Variants in CCNH observed in about 807,000 individuals in gnomAD.
The protein encoded by CCNH is cyclin-H.
A neutral mutation model predicts 41.9 loss-of-function variants in CCNH; 31 were observed. The observed-to-expected ratio is 0.74, with a 90% CI of 0.56 to 1.00. CCNH has a LOEUF of 1.00. Among genes scored for constraint, CCNH ranks in the 50% least tolerant of loss-of-function variants. The pLI is 0.00. For synonymous variants in CCNH, 138 were observed against 136.1 expected (o/e 1.01, Z -0.10); for missense variants, 362 against 388.4 (o/e 0.93, Z 0.57).
intron 2 of CCNH, among the ~76,000 whole-genome samples, chr5:87,410,616 A>G (rs1305113488): frequency 6.6e-6 from 1 of 152,312 alleles, no homozygotes; most frequent in South Asian, 2.1e-4. Context: ...ATAACGTAAC[A>G]ACATTTTGAA....
At chr5:87,376,320 C>A in exon 1 of CCNH, 4 of 1,549,090 alleles carry the variant, frequency 2.6e-6, no homozygotes, top group South Asian at 1.1e-5. Context: ...GACTGAACAC[C>A]AGGAAAATTT....
At chr5:87,339,479 C>G (rs1256923827) in intron 9 of CCNH, among the ~76,000 whole-genome samples, 1 of 152,090 alleles carries the variant, frequency 6.6e-6, no homozygotes, top group Non-Finnish European at 1.5e-5. Flanking sequence ...GTTTGGGTTT[C>G]CCTCTCCTTG....
chr5:87,350,310 A>G (rs1258157582), intron 9 of CCNH, among the ~76,000 whole-genome samples: 3 of 151,826 alleles, frequency 2.0e-5, no homozygotes, highest in Non-Finnish European at 2.9e-5. Flanking sequence ...ATACATGACA[A>G]TCTGAGTTCT....
chr5:87,318,580 C>A (rs937396382), exon 10 of CCNH: 1 of 152,244 alleles, frequency 6.6e-6, no homozygotes, highest in African/African-American at 2.4e-5. Context: ...GAATGTGCCA[C>A]ACACTTTTAA....
At chr5:87,338,391 G>C (rs1026846540) in intron 9 of CCNH, among the ~76,000 whole-genome samples, 3 of 149,674 alleles carry the variant, frequency 2.0e-5, no homozygotes, top group Non-Finnish European at 4.5e-5. Context: ...GAGTGCAGTG[G>C]CGTGATCTCG....
chr5:87,412,584 G>C (rs559256401), intron 1 of CCNH, 94 bp downstream of exon 1: 3 of 1,523,066 alleles, frequency 2.0e-6, no homozygotes, highest in Non-Finnish European at 1.8e-6. Flanking sequence ...GCAGAGAAAC[G>C]ACGGAGCGAG....
chr5:87,330,942 C>T (rs1757556503), intron 9 of CCNH: 2 of 1,425,194 alleles, frequency 1.4e-6, no homozygotes, highest in Non-Finnish European at 1.8e-6. Flanking sequence ...TCATAGGTTC[C>T]ATGTGCCTTG....
chr5:87,326,459 C>T lies in CCNH; in HGVS notation c.*91-7562G>A, dbSNP rs1308543558. Among the ~76,000 whole-genome samples, 4 of 152,080 alleles carry T rather than the reference C, an allele frequency of 2.6e-5. No individual in the cohort carries two copies. In the East Asian group the frequency reaches 7.7e-4, roughly 29 times the overall value. ...CTCCATATCTACCTGTAAGATTTCT[C>T]AACAAAAATTTACAAAGCTAGCTGG... is the stretch of plus-strand genomic sequence containing the variant. On this transcript the variant is annotated intron_variant and NMD_transcript_variant, in intron 9 of 9. Coordinates refer to the CCNH transcript ENST00000645953.
At chr5:87,400,288 GT>G (rs1763300578) in intron 6 of CCNH, among the ~76,000 whole-genome samples, 1 of 152,162 alleles carries the variant, frequency 6.6e-6, no homozygotes, top group Non-Finnish European at 1.5e-5. Context: ...CCTTAGGACA[GT>G]ATCTATGTTC....
chr5:87,376,662 C>CT (rs2112491381), exon 1 of CCNH: 2 of 1,420,900 alleles, frequency 1.4e-6, no homozygotes, highest in East Asian at 4.9e-5. Flanking sequence ...TAATTCATAG[C>CT]TTAGTAGCAC....
At chr5:87,407,861 A>G in intron 4 of CCNH, 115 bp downstream of exon 4, 2 of 742,392 alleles carry the variant, frequency 2.7e-6, no homozygotes, top group Non-Finnish European at 4.5e-6. Context: ...CCAGACCCAC[A>G]GGTTGTATCC....
chr5:87,358,115 C>G (rs1759792227), intron 9 of CCNH, among the ~76,000 whole-genome samples: 1 of 152,120 alleles, frequency 6.6e-6, no homozygotes, highest in African/African-American at 2.4e-5. Flanking sequence ...ACCTCATCTT[C>G]CAATGAGGTG....
the CCNH span, among the ~76,000 whole-genome samples, chr5:87,311,745 G>A: frequency 1.3e-5 from 2 of 152,156 alleles, no homozygotes; most frequent in African/African-American, 2.4e-5. Context: ...TGCCCACGTC[G>A]CTGACTTTAG....
downstream of CCNH, among the ~76,000 whole-genome samples, chr5:87,374,534 AT>A (rs911136366): frequency 9.9e-5 from 13 of 131,736 alleles, no homozygotes; most frequent in Non-Finnish European, 1.8e-4. Context: ...CCACTTAGTT[AT>A]TAACATGAAT....
intron 9 of CCNH, among the ~76,000 whole-genome samples, chr5:87,321,751 T>C (rs1393225603): frequency 1.3e-5 from 2 of 152,216 alleles, no homozygotes; most frequent in African/African-American, 4.8e-5. Flanking sequence ...CACCTTCACA[T>C]GTTCAGCTGT....
At chr5:87,359,532 C>A (rs922177520) in intron 9 of CCNH, among the ~76,000 whole-genome samples, 1 of 152,078 alleles carries the variant, frequency 6.6e-6, no homozygotes, top group Admixed American at 6.5e-5. Context: ...TATATAAAAT[C>A]TTGGAATCAA....
upstream of CCNH, chr5:87,378,377 A>G: frequency 6.2e-7 from 1 of 1,611,040 alleles, no homozygotes; most frequent in South Asian, 1.1e-5. Flanking sequence ...ATAATCTTCT[A>G]ATGTAAATAT....
At chr5:87,360,983 T>C (rs1056109497) in intron 9 of CCNH, among the ~76,000 whole-genome samples, 8 of 152,212 alleles carry the variant, frequency 5.3e-5, no homozygotes, top group African/African-American at 1.9e-4. Flanking sequence ...TTTTATGTTT[T>C]TACAAAAGAT....
At chr5:87,334,608 A>C (rs1280319798) in intron 9 of CCNH, among the ~76,000 whole-genome samples, 2 of 152,220 alleles carry the variant, frequency 1.3e-5, no homozygotes, top group Non-Finnish European at 2.9e-5. Flanking sequence ...TGATGGTACA[A>C]AAGCAATGGA....
Sources: allele counts gnomAD v4.1 joint callset (sites outside exome capture counted in the v4.1 genomes callset), GRCh38; gene constraint gnomAD v4.1.1; transcripts MANE v1.5; gene names NCBI Gene and HGNC (gene_info 2026-07-23, HGNC 2026-07-21).